Variants in CHLSN observed in about 807,000 individuals in gnomAD.
CHLSN encodes the protein protein cholesin.
chr7:1,082,000 C>T, the CHLSN span: 1 of 152,390 alleles, frequency 6.6e-6, no homozygotes, highest in South Asian at 2.1e-4. Context: ...GGGGACAGCA[C>T]CTGACGGCGA....
chr7:1,042,100 C>T, the CHLSN span, among the ~76,000 whole-genome samples: 5 of 151,470 alleles, frequency 3.3e-5, no homozygotes, highest in African/African-American at 7.3e-5. Context: ...ACAGGAGCCT[C>T]GGCAGTGTGC....
chr7:1,056,298 G>A, the CHLSN span: 1 of 152,906 alleles, frequency 6.5e-6, no homozygotes, highest in African/African-American at 2.4e-5. Context: ...GGGGTGCTGT[G>A]GCAGCGCTGT....
At chr7:1,079,077 G>C in the CHLSN span, among the ~76,000 whole-genome samples, 59,681 of 128,994 alleles carry the variant, frequency 0.46, 16,566 homozygotes, top group Non-Finnish European at 0.54. Flanking sequence ...CTGGTGAATG[G>C]CCGGCTGAGG....
chr7:1,122,539 G>A, the CHLSN span, among the ~76,000 whole-genome samples: 3 of 152,218 alleles, frequency 2.0e-5, no homozygotes, highest in African/African-American at 7.2e-5. Context: ...GAGGCAGGGG[G>A]AGGGTGAAAG....
At chr7:1,094,152 G>A in the CHLSN span, among the ~76,000 whole-genome samples, 8 of 152,232 alleles carry the variant, frequency 5.3e-5, no homozygotes, top group African/African-American at 7.2e-5. Context: ...AGAGCTCTGC[G>A]GCACCCAAGC....
chr7:1,038,753 G>T, the CHLSN span, among the ~76,000 whole-genome samples: 1 of 38,346 alleles, frequency 2.6e-5, no homozygotes, highest in African/African-American at 1.1e-4. Flanking sequence ...TGGGAGGTGA[G>T]GGGCGCCTCT....
the CHLSN span, chr7:1,091,947 C>T: frequency 6.2e-7 from 1 of 1,614,098 alleles, no homozygotes; most frequent in Middle Eastern, 1.6e-4. Context: ...TCCCCATCGG[C>T]TTTGTGGGCA....
chr7:1,018,957 T>G, the CHLSN span, among the ~76,000 whole-genome samples: 463 of 151,912 alleles, frequency 3.0e-3, 3 homozygotes, highest in African/African-American at 0.011. Flanking sequence ...CCGGGCGTGG[T>G]GGCCGAGGTG....
chr7:1,021,416 G>C, the CHLSN span: 1 of 985,476 alleles, frequency 1.0e-6, no homozygotes. Flanking sequence ...GGAAGCTGAA[G>C]GGCTCTGCCC....
the CHLSN span, chr7:1,092,828 C>T: frequency 1.8e-5 from 29 of 1,612,896 alleles, no homozygotes; most frequent in African/African-American, 1.9e-4. Flanking sequence ...ACCGAGCAGT[C>T]GGATGTGAGG....
the CHLSN span, among the ~76,000 whole-genome samples, chr7:1,023,597 G>A: frequency 1.4e-5 from 2 of 146,258 alleles, no homozygotes; most frequent in Non-Finnish European, 3.0e-5. This position sits in a 1 kb window ranked among gnomAD's most constrained non-coding sequence, Gnocchi z 5.0. Flanking sequence ...AGAACATGAC[G>A]AAGACTGTGG....
At chr7:1,102,661 C>A in the CHLSN span, among the ~76,000 whole-genome samples, 2 of 152,266 alleles carry the variant, frequency 1.3e-5, no homozygotes, top group East Asian at 1.9e-4. Context: ...GAGAACCCAG[C>A]GGGCGACCTG....
At chr7:1,101,983 C>T in the CHLSN span, among the ~76,000 whole-genome samples, 1 of 152,244 alleles carries the variant, frequency 6.6e-6, no homozygotes, top group Non-Finnish European at 1.5e-5. Context: ...GCCTTGGCAG[C>T]GTGTGAAATG....
the CHLSN span, among the ~76,000 whole-genome samples, chr7:1,046,321 C>A: frequency 1.3e-5 from 2 of 152,194 alleles, no homozygotes; most frequent in Non-Finnish European, 2.9e-5. Flanking sequence ...GAAATTATCA[C>A]CCAGAGAACC....
chr7:1,136,369 A>AATATACAAAC, the CHLSN span, among the ~76,000 whole-genome samples: 18 of 97,432 alleles, frequency 1.8e-4, no homozygotes, highest in Admixed American at 2.2e-3. Context: ...CATATATATA[A>AATATACAAAC]ATATATATAA....
the CHLSN span, among the ~76,000 whole-genome samples, chr7:1,081,485 C>T: frequency 2.9e-4 from 44 of 152,320 alleles, no homozygotes; most frequent in African/African-American, 9.6e-4. Flanking sequence ...GGGCTTGGCA[C>T]GGCGCAGGGG....
the CHLSN span, among the ~76,000 whole-genome samples, chr7:1,016,855 G>C: frequency 0.036 from 2,662 of 73,008 alleles, 266 homozygotes; most frequent in East Asian, 0.23. Flanking sequence ...GCACACAGCA[G>C]CACACAGCAC....
the CHLSN span, among the ~76,000 whole-genome samples, chr7:1,053,412 A>AG: frequency 6.6e-6 from 1 of 152,132 alleles, no homozygotes; most frequent in Admixed American, 6.6e-5. Context: ...GTTGGCTGTG[A>AG]GGGTCGGGCA....
the CHLSN span, chr7:997,599 A>G: frequency 3.3e-6 from 5 of 1,506,538 alleles, no homozygotes; most frequent in Admixed American, 7.1e-5. Context: ...TGCACTGGGC[A>G]GCGGCCCCGC....
Sources: allele counts gnomAD v4.1 joint callset (sites outside exome capture counted in the v4.1 genomes callset), GRCh38; gene constraint gnomAD v4.1.1; non-coding constraint Gnocchi (gnomAD v3.1); transcripts MANE v1.5; gene names NCBI Gene and HGNC (gene_info 2026-07-23, HGNC 2026-07-21).